The following EPB41L2 variants were observed in gnomAD, a reference collection of about 807,000 sequenced individuals.
The protein encoded by EPB41L2 is band 4.1-like protein 2.
Under a neutral mutation model 113.0 loss-of-function variants are expected in EPB41L2, and 43 were observed. The ratio of observed to expected loss-of-function variants is 0.38; its 90% CI spans 0.30 to 0.49. The LOEUF (loss-of-function observed/expected upper bound fraction) is 0.49. Ranked by LOEUF, EPB41L2 falls within the 20% of genes least tolerant of loss-of-function variation. The pLI, the probability that EPB41L2 is intolerant of heterozygous loss-of-function variation, is 0.95. For missense variants in EPB41L2, 1,147 were observed against 1,223.4 expected (o/e 0.94, Z 0.93); for synonymous variants, 442 against 436.7 (o/e 1.01, Z -0.15).
At chr6:130,854,480 CTG>C (rs1418381799) in intron 19 of EPB41L2, among the ~76,000 whole-genome samples, 1 of 152,042 alleles carries the variant, frequency 6.6e-6, no homozygotes, top group East Asian at 1.9e-4. Context: ...GTGTGTGTGT[CTG>C]TGTGTGTCCA....
At chr6:131,058,573 A>G (rs1798047467) in intron 1 of EPB41L2, among the ~76,000 whole-genome samples, 1 of 152,218 alleles carries the variant, frequency 6.6e-6, no homozygotes, top group South Asian at 2.1e-4. Context: ...CTAATATATT[A>G]AAGGTTCAAT....
chr6:130,968,207 C>T (rs939404230), intron 1 of EPB41L2, among the ~76,000 whole-genome samples: 7 of 152,140 alleles, frequency 4.6e-5, no homozygotes, highest in Non-Finnish European at 7.4e-5. Context: ...ACAAATCCAC[C>T]AAGGTTAACT....
At chr6:130,957,637 A>G (rs981011049) in intron 1 of EPB41L2, among the ~76,000 whole-genome samples, 2 of 152,208 alleles carry the variant, frequency 1.3e-5, no homozygotes, top group African/African-American at 4.8e-5. Context: ...TCTTAAAAAA[A>G]AAAAAAATTG....
intron 1 of EPB41L2, among the ~76,000 whole-genome samples, chr6:130,961,394 G>C (rs776644736): frequency 6.6e-5 from 10 of 152,168 alleles, no homozygotes; most frequent in Non-Finnish European, 8.8e-5. Flanking sequence ...ATCATCAATA[G>C]AGGATCAGTA....
intron 11 of EPB41L2, among the ~76,000 whole-genome samples, chr6:130,889,817 G>A (rs1440808698): frequency 6.6e-6 from 1 of 152,148 alleles, no homozygotes; most frequent in Non-Finnish European, 1.5e-5. Flanking sequence ...ATATTTGTGT[G>A]CACTGACAAT....
intron 1 of EPB41L2, among the ~76,000 whole-genome samples, chr6:130,977,518 T>C (rs1778454147): frequency 6.6e-6 from 1 of 152,204 alleles, no homozygotes; most frequent in African/African-American, 2.4e-5. Context: ...CCCTTCATTG[T>C]TGTCCAAGGG....
chr6:131,024,732 T>C (rs975365173), intron 1 of EPB41L2, among the ~76,000 whole-genome samples: 3 of 152,190 alleles, frequency 2.0e-5, no homozygotes, highest in Admixed American at 2.0e-4. Flanking sequence ...CACTGGGTAG[T>C]CACAGATCGT....
At chr6:130,991,211 T>C (rs932838189) in intron 1 of EPB41L2, among the ~76,000 whole-genome samples, 2 of 152,168 alleles carry the variant, frequency 1.3e-5, no homozygotes, top group Non-Finnish European at 2.9e-5. Context: ...TCATACTCCT[T>C]TTCTACCCTG....
intron 1 of EPB41L2, among the ~76,000 whole-genome samples, chr6:131,034,570 T>C (rs1792917623): frequency 6.6e-6 from 1 of 152,198 alleles, no homozygotes; most frequent in Admixed American, 6.5e-5. Context: ...AAAATTACTT[T>C]TCCAAAATCA....
In EPB41L2 at chr6:131,044,181, C is replaced by T. The variant is rs146476613; in HGVS notation, c.-15+18974G>A. 3.6e-3 allele frequency among the ~76,000 whole-genome samples: 547 copies of T among 151,926 alleles called. 2 individuals are homozygous for T. Among genetic ancestry groups the T allele is most frequent in the African/African-American group, 0.013 (531 of 41,432 alleles). On this transcript the variant is annotated intron_variant, in intron 1 of 19. Coordinates refer to ENST00000337057, the MANE Select transcript of EPB41L2 (RefSeq NM_001431.4). ...GGACCACAGGCACTGGTCACCATGC[C>T]TAACTAAGTTTACTTTGTATTTTTT...
intron 3 of EPB41L2, among the ~76,000 whole-genome samples, chr6:130,932,574 T>C (rs1026510597): frequency 6.6e-6 from 1 of 152,230 alleles, no homozygotes; most frequent in Admixed American, 6.5e-5. Context: ...AAACTACCTC[T>C]ACTTGTATAC....
intron 1 of EPB41L2, among the ~76,000 whole-genome samples, chr6:130,991,351 C>T (rs1012744841): frequency 6.6e-6 from 1 of 152,102 alleles, no homozygotes; most frequent in Admixed American, 6.6e-5. Context: ...GTGTAGTATA[C>T]CAAGGAGACA....
At chr6:131,015,224 T>C (rs4897483) in intron 1 of EPB41L2, 47,663 of 152,058 alleles carry the variant, frequency 0.31, 7,925 homozygotes, top group Non-Finnish European at 0.37. Context: ...TCGATACTAC[T>C]TATGAGAAAG....
At chr6:130,978,169 G>A (rs908811182) in intron 1 of EPB41L2, among the ~76,000 whole-genome samples, 1 of 152,084 alleles carries the variant, frequency 6.6e-6, no homozygotes, top group Admixed American at 6.6e-5. Context: ...AACATCAAAC[G>A]TGTAAACACA....
At chr6:130,952,806 T>C (rs1038626686) in intron 3 of EPB41L2, among the ~76,000 whole-genome samples, 1 of 140,124 alleles carries the variant, frequency 7.1e-6, no homozygotes, top group African/African-American at 2.6e-5. Flanking sequence ...CAAGACTCCA[T>C]CTCAAAAAAA....
At chr6:130,846,036 C>T (rs1039371429) in intron 19 of EPB41L2, among the ~76,000 whole-genome samples, 6 of 152,178 alleles carry the variant, frequency 3.9e-5, no homozygotes, top group Admixed American at 2.6e-4. Flanking sequence ...TTGAGCCTGT[C>T]GCCTCAAGAG....
At chr6:130,966,038 A>AAG (rs1554301682) in intron 1 of EPB41L2, among the ~76,000 whole-genome samples, 4 of 60,124 alleles carry the variant, frequency 6.7e-5, no homozygotes, top group African/African-American at 3.0e-4. Flanking sequence ...TAAAAAAAAA[A>AAG]TTGCAAAAAA....
At chr6:130,923,044 C>T (rs568943576) in intron 4 of EPB41L2, among the ~76,000 whole-genome samples, 68 of 152,302 alleles carry the variant, frequency 4.5e-4, no homozygotes, top group Middle Eastern at 6.8e-3. Flanking sequence ...ACCAACCCCC[C>T]AGTCGAGTCC....
chr6:130,969,897 G>C (rs968915862), intron 1 of EPB41L2, among the ~76,000 whole-genome samples: 3 of 152,016 alleles, frequency 2.0e-5, no homozygotes, highest in Admixed American at 1.3e-4. Flanking sequence ...GAAACAACCA[G>C]ACAAGCATAT....
Sources: gnomAD v4.1 joint callset for allele counts (sites outside exome capture counted in the v4.1 genomes callset) on GRCh38, gnomAD v4.1.1 for gene constraint, MANE v1.5 for transcripts, NCBI Gene and HGNC (gene_info 2026-07-23, HGNC 2026-07-21) for gene names.